RBFOX1: variants seen among roughly 807,000 people sequenced by gnomAD.
RBFOX1 encodes RNA binding fox-1 homolog 1.
A neutral mutation model predicts 57.7 loss-of-function variants in RBFOX1; 8 were observed. The ratio of observed to expected loss-of-function variants is 0.14; its 90% CI spans 0.08 to 0.25. The LOEUF (loss-of-function observed/expected upper bound fraction) is 0.25. RBFOX1 is among the 10% of genes least tolerant of loss of function. RBFOX1 has a pLI of 1.00. For missense variants in RBFOX1, 611 were observed against 548.5 expected, an observed-to-expected ratio of 1.11 and a Z score of -1.14; for synonymous variants, 326 against 222.4, an observed-to-expected ratio of 1.47 and a Z score of -4.15.
intron 4 of RBFOX1, among the ~76,000 whole-genome samples, chr16:5,952,306 A>G (rs1332724177): frequency 1.3e-5 from 2 of 151,862 alleles, no homozygotes; most frequent in African/African-American, 4.8e-5. Context: ...GTGCGCCACC[A>G]CACCTGGTTA....
intron 1 of RBFOX1, among the ~76,000 whole-genome samples, chr16:5,452,649 C>G (rs1567531419): frequency 6.9e-6 from 1 of 144,590 alleles, no homozygotes; most frequent in Non-Finnish European, 1.5e-5. Context: ...TAAACCTTGA[C>G]TTTTTTTTTT....
intron 3 of RBFOX1, among the ~76,000 whole-genome samples, chr16:6,883,508 T>C (rs1362266749): frequency 2.0e-5 from 3 of 152,350 alleles, no homozygotes; most frequent in East Asian, 1.9e-4. Context: ...TATTTACTTA[T>C]AACTTGTTGT....
chr16:6,851,122 GA>G (rs975210523), intron 3 of RBFOX1, among the ~76,000 whole-genome samples: 68 of 152,072 alleles, frequency 4.5e-4, no homozygotes, highest in African/African-American at 1.5e-3. Flanking sequence ...GTGGTGAGTG[GA>G]AAAAAAGCCC....
chr16:6,455,002 C>A (rs1256290294), intron 2 of RBFOX1, among the ~76,000 whole-genome samples: 2 of 150,962 alleles, frequency 1.3e-5, no homozygotes, highest in Non-Finnish European at 2.9e-5. Context: ...CCTGCCTCAG[C>A]CTCCCAAGTA....
At chr16:7,703,990 C>A (rs745770390) in intron 14 of RBFOX1, among the ~76,000 whole-genome samples, 2 of 152,222 alleles carry the variant, frequency 1.3e-5, no homozygotes, top group East Asian at 1.9e-4. Flanking sequence ...ATCATAATCT[C>A]CTCTATCTGT....
At chr16:7,182,995 A>G (rs978343672) in intron 4 of RBFOX1, among the ~76,000 whole-genome samples, 16 of 152,204 alleles carry the variant, frequency 1.1e-4, no homozygotes, top group African/African-American at 3.9e-4. Context: ...CTGAGAGCTA[A>G]GCCTTATTTA....
intron 4 of RBFOX1, among the ~76,000 whole-genome samples, chr16:7,060,727 C>T (rs901959396): frequency 6.6e-6 from 1 of 152,182 alleles, no homozygotes; most frequent in Non-Finnish European, 1.5e-5. Context: ...GACATTTCCA[C>T]GTATACATCC....
chr16:6,965,423 G>C (rs980518910), intron 3 of RBFOX1, among the ~76,000 whole-genome samples: 5 of 151,710 alleles, frequency 3.3e-5, no homozygotes, highest in South Asian at 2.1e-4. Context: ...GCTTACTGCA[G>C]CCTCCCGGGT....
chr16:6,393,891 C>T (rs938431249), intron 2 of RBFOX1, among the ~76,000 whole-genome samples: 3 of 152,194 alleles, frequency 2.0e-5, no homozygotes, highest in East Asian at 3.9e-4. Flanking sequence ...CCAGCCCTGT[C>T]CCAGGCAAAC....
intron 1 of RBFOX1, among the ~76,000 whole-genome samples, chr16:6,221,105 A>G (rs1408603425): frequency 6.6e-6 from 1 of 152,196 alleles, no homozygotes; most frequent in Non-Finnish European, 1.5e-5. Flanking sequence ...TCTTTAGGCC[A>G]TATTTCCAGA....
At chr16:6,822,777 A>C (rs1828095795) in intron 3 of RBFOX1, among the ~76,000 whole-genome samples, 1 of 152,196 alleles carries the variant, frequency 6.6e-6, no homozygotes, top group Admixed American at 6.5e-5. Flanking sequence ...CTATGGGACA[A>C]GCGCGAGTAT....
intron 5 of RBFOX1, among the ~76,000 whole-genome samples, chr16:7,545,837 A>G (rs879566329): frequency 6.6e-6 from 1 of 152,130 alleles, no homozygotes; most frequent in African/African-American, 2.4e-5. Context: ...AGTCACAGAC[A>G]TCCTCAGAGC....
intron 4 of RBFOX1, among the ~76,000 whole-genome samples, chr16:5,899,839 T>C (rs1240180366): frequency 2.0e-5 from 3 of 152,188 alleles, no homozygotes; most frequent in African/African-American, 7.2e-5. Context: ...TTTGGGAGAC[T>C]GAGGCAGGTG....
intron 1 of RBFOX1, among the ~76,000 whole-genome samples, chr16:6,120,811 A>G (rs1189352860): frequency 6.6e-6 from 1 of 152,070 alleles, no homozygotes; most frequent in Non-Finnish European, 1.5e-5. Context: ...GGTGCTGCTA[A>G]CATTCACTGC....
chr16:6,764,730 T>A (rs1228212022), intron 3 of RBFOX1, among the ~76,000 whole-genome samples: 1 of 151,946 alleles, frequency 6.6e-6, no homozygotes, highest in Non-Finnish European at 1.5e-5. Context: ...TGAGGTCAGG[T>A]GTACGAGACC....
intron 3 of RBFOX1, among the ~76,000 whole-genome samples, chr16:5,770,856 C>T (rs143748189): frequency 1.1e-3 from 160 of 152,332 alleles, no homozygotes; most frequent in Admixed American, 2.2e-3. Context: ...TAGTTGATCA[C>T]GGCACTCTTT....
At chr16:5,556,516 A>G (rs559094209) in intron 2 of RBFOX1, among the ~76,000 whole-genome samples, 83 of 152,322 alleles carry the variant, frequency 5.4e-4, no homozygotes, top group African/African-American at 1.9e-3. Context: ...GAAATGCTCA[A>G]TGCTTGTTGG....
chr16:7,248,229 C>T (rs2094382153), intron 4 of RBFOX1, among the ~76,000 whole-genome samples: 1 of 152,180 alleles, frequency 6.6e-6, no homozygotes, highest in South Asian at 2.1e-4. Flanking sequence ...AGAAAAGGGT[C>T]TACAAACCAT....
At chr16:7,043,673 A>C (rs1383032062) in intron 3 of RBFOX1, among the ~76,000 whole-genome samples, 1 of 152,232 alleles carries the variant, frequency 6.6e-6, no homozygotes, top group African/African-American at 2.4e-5. Context: ...GGATTTTCCA[A>C]CATTCTATTA....
Sources: allele counts gnomAD v4.1 joint callset (sites outside exome capture counted in the v4.1 genomes callset), GRCh38; gene constraint gnomAD v4.1.1; transcripts MANE v1.5; gene names NCBI Gene and HGNC (gene_info 2026-07-23, HGNC 2026-07-21).